SLC6A20: variants seen among roughly 807,000 people sequenced by gnomAD.
SLC6A20 encodes sodium- and chloride-dependent transporter XTRP3.
Under a neutral mutation model 64.3 loss-of-function variants are expected in SLC6A20, and 73 were observed. The ratio of observed to expected loss-of-function variants is 1.14; its 90% CI spans 0.94 to 1.38. The LOEUF (loss-of-function observed/expected upper bound fraction) is 1.38, where lower values mean the gene tolerates loss of function less well. Ranked by LOEUF, SLC6A20 falls within the 40% of genes most tolerant of loss-of-function variation. SLC6A20 has a pLI of 0.00. For synonymous variants in SLC6A20, 347 were observed against 329.6 expected (o/e 1.05, Z -0.57); for missense variants, 725 against 772.8 (o/e 0.94, Z 0.73).
At chr3:45,794,001 C>T (rs1479804937) in intron 1 of SLC6A20, among the ~76,000 whole-genome samples, 1 of 152,162 alleles carries the variant, frequency 6.6e-6, no homozygotes, top group Non-Finnish European at 1.5e-5. Flanking sequence ...CCTGTGACTC[C>T]ATCACATCAC....
At position 45,770,209 on chromosome 3, in the gene SLC6A20, C is replaced by G. The variant is rs536023699; in HGVS notation, c.1098G>C (p.Thr366=). Residue 366 remains threonine (T), a splice_region_variant and synonymous_variant, in exon 7 of 11, where the codon ACG becomes ACC. Coordinates refer to ENST00000358525, the MANE Select transcript of SLC6A20 (RefSeq NM_020208.4). ...CCTTGACCTTGCCTGGGCATCTTAC[C>G]GTGTCTAGCTCCGATTCCAAGCTGC... ...KNCSLESELD[T]AVQGTGLAFI... is the part of the protein sequence containing the mutation. 4 of 1,614,032 alleles carry G rather than the reference C, an allele frequency of 2.5e-6. No individual in the cohort carries two copies. In the Admixed American group the frequency reaches 6.7e-5, roughly 27 times the overall value.
intron 3 of SLC6A20, among the ~76,000 whole-genome samples, chr3:45,778,796 G>C (rs545678853): frequency 6.6e-6 from 1 of 152,304 alleles, no homozygotes; most frequent in South Asian, 2.1e-4. Flanking sequence ...GAGTTGCCCT[G>C]TTTCCACTGA....
chr3:45,782,073 C>T lies in SLC6A20; in HGVS notation c.262+10G>A. The T allele has an allele frequency of 1.3e-6, 2 of 1,595,206 alleles. No individual in the cohort carries two copies. Among genetic ancestry groups the T allele is most frequent in the South Asian group, 1.1e-5 (1 of 87,730 alleles). On this transcript the variant is annotated intron_variant, in intron 2 of 10. Transcript: ENST00000358525. ...TCTGGGTGGGAGAGGACTGGAGGGG[C>T]CCCACGTACCGACACCACTGAGGTA...
chr3:45,769,703 G>GA (rs1228973512), intron 7 of SLC6A20, among the ~76,000 whole-genome samples: 1 of 151,002 alleles, frequency 6.6e-6, no homozygotes, highest in Non-Finnish European at 1.5e-5. Context: ...GTTGAAAAAA[G>GA]AAAAAATAAA....
chr3:45,768,400 T>C (rs1429962797), intron 7 of SLC6A20, among the ~76,000 whole-genome samples: 7 of 152,146 alleles, frequency 4.6e-5, no homozygotes, highest in African/African-American at 9.7e-5. Flanking sequence ...TTCTTGGCTG[T>C]AGAGCCAAGC....
chr3:45,762,790 G>A lies in SLC6A20; in HGVS notation c.1463+123C>T, dbSNP rs368943260. ...TCTGCGGGCAAAGAACAAACGTTGA[G>A]TCATGATGCGAAGCTTAAAGAAGAG... is the stretch of plus-strand genomic sequence containing the variant. On this transcript the variant is annotated intron_variant, in intron 9 of 10. Transcript: ENST00000358525. 3,533 of 1,305,346 alleles carry A rather than the reference G, an allele frequency of 2.7e-3. 110 individuals carry two copies. The South Asian group carries it at 0.045, about 17-fold the overall frequency. The allele number at this position is 1,305,346 out of a possible 1,614,324, so 80.9% of individuals were successfully genotyped here.
chr3:45,789,206 C>T (rs1004532232), intron 1 of SLC6A20, among the ~76,000 whole-genome samples: 6 of 151,962 alleles, frequency 3.9e-5, no homozygotes, highest in Non-Finnish European at 8.8e-5. Flanking sequence ...TATACTTTCC[C>T]CTCAAATTTA....
intron 1 of SLC6A20, among the ~76,000 whole-genome samples, chr3:45,795,048 G>T (rs532266695): frequency 6.6e-6 from 1 of 152,054 alleles, no homozygotes; most frequent in Admixed American, 6.5e-5. Context: ...GTTCATTTTC[G>T]TAAATACTTT....
Position 45,776,157 on chromosome 3 carries a change from G to T in SLC6A20, c.355-169C>A, listed in dbSNP as rs554365600. Among the ~76,000 whole-genome samples the T allele has an allele frequency of 7.9e-5, 12 of 152,258 alleles. No individual in the cohort carries two copies. The South Asian group carries it at 2.1e-3, about 26-fold the overall frequency. On this transcript the variant is annotated intron_variant, in intron 3 of 10. Coordinates refer to ENST00000358525, the MANE Select transcript of SLC6A20 (RefSeq NM_020208.4). ...AGGCAGACTGGGAGTTGGAGAGTTT[G>T]TCAGGGGGCACGGGTGAGGCAGGAA...
At position 45,772,537 on chromosome 3, in the gene SLC6A20, T is replaced by A; in HGVS notation, c.661A>T (p.Thr221Ser). The change falls in exon 5 of 11, where the codon ACC (threonine) becomes TCC (serine). Residue 221 changes from threonine (T) to serine (S), a missense_variant. Coordinates refer to ENST00000358525, the MANE Select transcript of SLC6A20 (RefSeq NM_020208.4). The stretch of plus-strand genomic sequence containing the variant: ...GTGAACATGTACATGAGGCCATTGG[T>A]GGCTCCGTGGAGCGTGAGGCCCCTG... ...LIRGLTLHGATNGLMYMFTPK... is the reference protein window; with the variant it reads ...LIRGLTLHGASNGLMYMFTPK... The A allele has an allele frequency of 1.2e-6, 2 of 1,613,966 alleles. No homozygotes were observed. The highest frequency in any genetic ancestry group is 1.7e-6 in the Non-Finnish European group (2 of 1,179,944).
chr3:45,780,591 G>A (rs1700063990), intron 2 of SLC6A20, among the ~76,000 whole-genome samples: 1 of 152,182 alleles, frequency 6.6e-6, no homozygotes, highest in Admixed American at 6.5e-5. Flanking sequence ...TGAGTCACCT[G>A]GTAGCCAGGA....
At chr3:45,791,067 T>C (rs55698844) in intron 1 of SLC6A20, among the ~76,000 whole-genome samples, 8,787 of 152,324 alleles carry the variant, frequency 0.058, 319 homozygotes, top group Non-Finnish European at 0.087. Flanking sequence ...CTTGAGCAGT[T>C]AGTCCTTCTT....
At chr3:45,780,183 ACC>A in intron 2 of SLC6A20, 83 bp from the exon 3 acceptor site, 1 of 1,344,266 alleles carries the variant, frequency 7.4e-7, no homozygotes, top group African/African-American at 1.5e-5. Flanking sequence ...CCCAGGACAC[ACC>A]TGTGGCGACC....
intron 9 of SLC6A20, among the ~76,000 whole-genome samples, chr3:45,761,359 G>A (rs1400858176): frequency 6.6e-6 from 1 of 152,034 alleles, no homozygotes; most frequent in Non-Finnish European, 1.5e-5. Context: ...CCACTTACAT[G>A]GTCAGTCCAC....
At position 45,765,893 on chromosome 3, in the gene SLC6A20, A is replaced by T. The variant is rs1489535109; in HGVS notation, c.1099-152T>A. Reference sequence around the variant, plus strand: ...TTCCATCTGCAGATCAACCCCTTACACTCAGCTGGGCTGAAACGAAATGGG... The same window carrying T: ...TTCCATCTGCAGATCAACCCCTTACTCTCAGCTGGGCTGAAACGAAATGGG... On this transcript the variant is annotated intron_variant, in intron 7 of 10. Transcript: ENST00000358525. The surrounding 1 kb of genome is among the most constrained non-coding windows in gnomAD (Gnocchi z 4.2). The T allele has an allele frequency of 3.9e-6, 3 of 776,378 alleles. No individual in the cohort carries two copies. Among genetic ancestry groups the T allele is most frequent in the Non-Finnish European group, 6.1e-6 (3 of 488,480 alleles). 48.1% of individuals were successfully genotyped at this position (776,378 alleles called of 1,614,324 possible).
chr3:45,775,928 ACTC>A lies in SLC6A20; in HGVS notation c.412_414del (p.Glu138del). 6.2e-7 allele frequency: 1 copy of A among 1,614,060 alleles called. No homozygotes were observed. The highest frequency in any genetic ancestry group is 1.7e-4 in the Middle Eastern group (1 of 6,060). ...TACTGTGTGGAGGACGCCTTCTCAC[ACTC>A]CTCATCGTAGCCCGTGTGGTTACCA... is the stretch of plus-strand genomic sequence containing the variant. On this transcript the variant is annotated inframe_deletion, in exon 4 of 11. Coordinates refer to ENST00000358525, the MANE Select transcript of SLC6A20 (RefSeq NM_020208.4).
chr3:45,775,427 T>C (rs548665643), intron 4 of SLC6A20, among the ~76,000 whole-genome samples: 4 of 152,168 alleles, frequency 2.6e-5, no homozygotes, highest in African/African-American at 4.8e-5. Context: ...CGAGGATACA[T>C]ACAATCTTAA....
chr3:45,758,678 G>T lies in SLC6A20; in HGVS notation c.*300C>A. The T allele has an allele frequency of 8.4e-7, 1 of 1,195,470 alleles. No individual in the cohort carries two copies. The highest frequency in any genetic ancestry group is 1.0e-6 in the Non-Finnish European group (1 of 960,392). The allele number at this position is 1,195,470 out of a possible 1,614,324, so 74.1% of individuals were successfully genotyped here. A position where few individuals can be genotyped will look rare whatever the true frequency, so the allele number is the denominator to read the frequency against. ...AAGAATTATAGTCATATTTCAGTTT[G>T]CAATGTGCCCTAATTCTAGGGCTTT... On this transcript the variant is annotated 3_prime_UTR_variant, in exon 11 of 11. Coordinates refer to ENST00000358525, the MANE Select transcript of SLC6A20 (RefSeq NM_020208.4).
intron 1 of SLC6A20, among the ~76,000 whole-genome samples, chr3:45,788,592 A>G (rs1217524323): frequency 6.6e-6 from 1 of 152,242 alleles, no homozygotes; most frequent in Non-Finnish European, 1.5e-5. Flanking sequence ...TTCACATAAT[A>G]CCATATAAAT....
Sources: gnomAD v4.1 joint callset for allele counts (sites outside exome capture counted in the v4.1 genomes callset) on GRCh38, gnomAD v4.1.1 for gene constraint, Gnocchi (gnomAD v3.1) non-coding constraint, MANE v1.5 for transcripts, NCBI Gene and HGNC (gene_info 2026-07-23, HGNC 2026-07-21) for gene names.